RBFOX2: variants seen among roughly 807,000 people sequenced by gnomAD.
The protein encoded by RBFOX2 is RNA binding fox-1 homolog 2, also known as RNA binding protein fox-1 homolog 2.
A neutral mutation model predicts 49.1 loss-of-function variants in RBFOX2; 10 were observed. That is an observed-to-expected ratio of 0.20 (90% confidence interval 0.13 to 0.35). The LOEUF (loss-of-function observed/expected upper bound fraction) is 0.35, where lower values mean the gene tolerates loss of function less well. RBFOX2 is among the 10% of genes least tolerant of loss of function. RBFOX2 has a pLI of 1.00. For synonymous variants in RBFOX2, 183 were observed against 187.4 expected, an observed-to-expected ratio of 0.98 and a Z score of 0.19; for missense variants, 323 against 486.9, an observed-to-expected ratio of 0.66 and a Z score of 3.17.
intron 1 of RBFOX2, among the ~76,000 whole-genome samples, chr22:35,876,110 C>T (rs959313782): frequency 1.3e-5 from 2 of 152,088 alleles, no homozygotes; most frequent in Non-Finnish European, 2.9e-5. Context: ...AAATTGCTGG[C>T]AAATAGCATG....
chr22:35,789,314 G>A (rs1291606323), intron 2 of RBFOX2, among the ~76,000 whole-genome samples: 1 of 152,116 alleles, frequency 6.6e-6, no homozygotes, highest in East Asian at 1.9e-4. Flanking sequence ...AGGCTGAGGT[G>A]GGTGGATCAC....
upstream of RBFOX2, among the ~76,000 whole-genome samples, chr22:35,965,524 A>G (rs1178261578): frequency 6.6e-6 from 1 of 152,194 alleles, no homozygotes; most frequent in African/African-American, 2.4e-5. Context: ...ACCCTCAATG[A>G]AGAGGTTCTT....
intron 1 of RBFOX2, among the ~76,000 whole-genome samples, chr22:35,920,387 G>A (rs1336921725): frequency 6.6e-6 from 1 of 152,130 alleles, no homozygotes; most frequent in East Asian, 1.9e-4. Context: ...CCATCAAATT[G>A]TTCACCATCA....
intron 1 of RBFOX2, among the ~76,000 whole-genome samples, chr22:35,831,160 G>A (rs555235037): frequency 5.9e-5 from 9 of 152,278 alleles, no homozygotes; most frequent in African/African-American, 1.9e-4. Context: ...AAATAGTTAA[G>A]AGGCCAGGCA....
At chr22:35,756,260 T>C (rs1936900728) in intron 9 of RBFOX2, 116 bp from the exon 11 acceptor site, 76 of 863,810 alleles carry the variant, frequency 8.8e-5, no homozygotes, top group Non-Finnish European at 1.2e-4. Flanking sequence ...GATGTATGAA[T>C]ACATAACCTG....
chr22:35,962,063 T>C (rs1316642636), upstream of RBFOX2, among the ~76,000 whole-genome samples: 1 of 152,156 alleles, frequency 6.6e-6, no homozygotes, highest in East Asian at 1.9e-4. Flanking sequence ...CAAAAAACTA[T>C]GCAAAAAAAC....
chr22:35,934,641 G>A (rs1272801288), intron 1 of RBFOX2, among the ~76,000 whole-genome samples: 2 of 152,036 alleles, frequency 1.3e-5, no homozygotes, highest in South Asian at 2.1e-4. Flanking sequence ...TCACTTTCTA[G>A]GAAACCCCTA....
At chr22:35,921,319 T>C (rs2050996070) in intron 1 of RBFOX2, among the ~76,000 whole-genome samples, 1 of 152,078 alleles carries the variant, frequency 6.6e-6, no homozygotes, top group Non-Finnish European at 1.5e-5. Context: ...TCAAGTTGAG[T>C]GTGTATAAGA....
chr22:35,811,264 C>T (rs2148181230), intron 1 of RBFOX2, among the ~76,000 whole-genome samples: 1 of 152,268 alleles, frequency 6.6e-6, no homozygotes, highest in Admixed American at 6.5e-5. Context: ...CAGTCTCCAA[C>T]CCGTATGTTG....
At chr22:35,784,072 C>A (rs1240897132) in intron 2 of RBFOX2, among the ~76,000 whole-genome samples, 1 of 152,152 alleles carries the variant, frequency 6.6e-6, no homozygotes, top group Admixed American at 6.5e-5. Context: ...ACTGGGAGAT[C>A]CTGCCTGTGC....
At chr22:35,913,189 C>G (rs1238964903) in intron 1 of RBFOX2, among the ~76,000 whole-genome samples, 1 of 151,712 alleles carries the variant, frequency 6.6e-6, no homozygotes, top group African/African-American at 2.4e-5. Flanking sequence ...AAAAGTAAAC[C>G]GTGGCCAGTT....
At chr22:36,007,387 T>C (rs2058658690) in intron 1 of RBFOX2, among the ~76,000 whole-genome samples, 1 of 152,100 alleles carries the variant, frequency 6.6e-6, no homozygotes, top group South Asian at 2.1e-4. Flanking sequence ...ACAAGTACTA[T>C]TTTTTATTTG....
At chr22:36,011,490 A>T (rs559210863) in intron 1 of RBFOX2, among the ~76,000 whole-genome samples, 142 of 152,286 alleles carry the variant, frequency 9.3e-4, no homozygotes, top group South Asian at 3.3e-3. Context: ...AATAGAAAAA[A>T]ATATATATAC....
At chr22:35,746,143 T>C in intron 10 of RBFOX2, 148 bp from the exon 13 acceptor site, 1 of 745,542 alleles carries the variant, frequency 1.3e-6, no homozygotes, top group Non-Finnish European at 2.3e-6. Flanking sequence ...AAAAAACCTT[T>C]CTATTTCTAC....
intron 1 of RBFOX2, among the ~76,000 whole-genome samples, chr22:35,858,497 G>A (rs984667893): frequency 1.5e-4 from 23 of 152,078 alleles, no homozygotes; most frequent in Non-Finnish European, 7.4e-5. Context: ...TCTAAGGATA[G>A]AACCTGTCCA....
At position 35,897,664 on chromosome 22, in the gene RBFOX2, T is replaced by C. The variant is rs2048029597; in HGVS notation, c.-34+41183A>G. On this transcript the variant is annotated intron_variant, in intron 1 of 13. Transcript: ENST00000359369. The stretch of plus-strand genomic sequence containing the variant: ...ATCCTTAACTGCATTAACAATTCCT[T>C]TGGATACATCTACGACGTATACTGG... 5 of 1,402,492 alleles carry C rather than the reference T, an allele frequency of 3.6e-6. No homozygotes were observed. The East Asian group carries it at 6.9e-5, about 19-fold the overall frequency. The allele number at this position is 1,402,492 out of a possible 1,614,324, so 86.9% of individuals were successfully genotyped here. A position where few individuals can be genotyped will look rare whatever the true frequency, so the allele number is the denominator to read the frequency against.
upstream of RBFOX2, among the ~76,000 whole-genome samples, chr22:35,943,551 G>C (rs921775223): frequency 6.6e-6 from 1 of 152,094 alleles, no homozygotes; most frequent in Non-Finnish European, 1.5e-5. Flanking sequence ...GAAGCTTCTG[G>C]TTAGTGGACA....
In RBFOX2 at chr22:35,829,391, A is replaced by G. The variant is rs538967712; in HGVS notation, c.27+10801T>C. Among the ~76,000 whole-genome samples, 13 of 152,270 alleles carry G rather than the reference A, an allele frequency of 8.5e-5. No individual in the cohort carries two copies. In the South Asian group the frequency reaches 2.5e-3, roughly 29 times the overall value. On this transcript the variant is annotated intron_variant, in intron 1 of 11. Transcript: ENST00000405409. ...AAAAAAGGAAAAAAATGAACATGCT[A>G]AGAGACATGAGAGGTGTGAAAAAGA...
At chr22:36,004,791 T>G (rs2058558937) in intron 1 of RBFOX2, among the ~76,000 whole-genome samples, 1 of 151,746 alleles carries the variant, frequency 6.6e-6, no homozygotes, top group Non-Finnish European at 1.5e-5. Context: ...AGTGAAACTC[T>G]GTCTCAAAAA....
Sources: allele counts gnomAD v4.1 joint callset (sites outside exome capture counted in the v4.1 genomes callset), GRCh38; gene constraint gnomAD v4.1.1; transcripts MANE v1.5; gene names NCBI Gene and HGNC (gene_info 2026-07-23, HGNC 2026-07-21).